FBXO31: variants seen among roughly 807,000 people sequenced by gnomAD.
FBXO31 encodes F-box only protein 31.
A neutral mutation model predicts 54.4 loss-of-function variants in FBXO31; 24 were observed. The observed-to-expected ratio is 0.44, with a 90% CI of 0.32 to 0.62. The LOEUF (loss-of-function observed/expected upper bound fraction) is 0.62. Among genes scored for constraint, FBXO31 ranks in the 20% least tolerant of loss-of-function variants. FBXO31 has a pLI of 0.05. For missense variants in FBXO31, 665 were observed against 787.1 expected (o/e 0.84, Z 1.86); for synonymous variants, 388 against 335.6 (o/e 1.16, Z -1.71).
intron 2 of FBXO31, among the ~76,000 whole-genome samples, chr16:87,348,303 T>C (rs1397014929): frequency 6.6e-6 from 1 of 152,182 alleles, no homozygotes; most frequent in Non-Finnish European, 1.5e-5. Context: ...CTGCACTGTA[T>C]CTGCACTCAT....
At chr16:87,362,110 C>A (rs1174562547) in intron 1 of FBXO31, among the ~76,000 whole-genome samples, 1 of 148,366 alleles carries the variant, frequency 6.7e-6, no homozygotes, top group Non-Finnish European at 1.5e-5. Flanking sequence ...CCCACAGAGC[C>A]CAGGAAGCTG....
chr16:87,375,909 C>T lies in FBXO31; in HGVS notation c.340+7496G>A, dbSNP rs188015422. ...CCCACCAGCTCCAAGCTGCCCCTGC[C>T]GCCACCCTCAGCCTGAGTCACTCCA... On this transcript the variant is annotated intron_variant, in intron 1 of 8. Transcript: ENST00000311635. Among the ~76,000 whole-genome samples the T allele has an allele frequency of 6.6e-5, 10 of 152,306 alleles. No homozygotes were observed. In the East Asian group the frequency reaches 1.3e-3, roughly 21 times the overall value.
chr16:87,383,893 C>T, upstream of FBXO31: 1 of 508,740 alleles, frequency 2.0e-6, no homozygotes, highest in Non-Finnish European at 2.7e-6. This position sits in a 1 kb window ranked among gnomAD's most constrained non-coding sequence, Gnocchi z 4.9. Context: ...GCCCCGGCCG[C>T]GCCACCCCCT....
upstream of FBXO31, among the ~76,000 whole-genome samples, chr16:87,385,780 G>A (rs927242778): frequency 6.6e-6 from 1 of 152,108 alleles, no homozygotes; most frequent in Non-Finnish European, 1.5e-5. Flanking sequence ...AGGCCAAGGC[G>A]GGCAGATCAC....
chr16:87,341,454 G>A (rs1381315478), intron 5 of FBXO31, among the ~76,000 whole-genome samples: 14 of 151,958 alleles, frequency 9.2e-5, no homozygotes, highest in Admixed American at 4.6e-4. Context: ...TCAGGAGTTC[G>A]AGACCAGCCT....
In FBXO31 at chr16:87,372,610, G is replaced by A. The variant is rs576867552; in HGVS notation, c.340+10795C>T. ...GAGTCTCACTCCATCACTCAGGCTG[G>A]AGTGCAGTGGTAAGATCGCAGGTCA... On this transcript the variant is annotated intron_variant, in intron 1 of 8. Coordinates refer to ENST00000311635, the MANE Select transcript of FBXO31 (RefSeq NM_024735.5). Among the ~76,000 whole-genome samples, 3 of 152,228 alleles carry A rather than the reference G, an allele frequency of 2.0e-5. No individual in the cohort carries two copies. In the South Asian group the frequency reaches 6.2e-4, roughly 32 times the overall value.
chr16:87,363,640 A>G (rs936227522), intron 1 of FBXO31, among the ~76,000 whole-genome samples: 3 of 113,960 alleles, frequency 2.6e-5, no homozygotes, highest in Admixed American at 1.1e-4. Flanking sequence ...AGGAATAAAT[A>G]GTTTTTTAAT....
intron 1 of FBXO31, among the ~76,000 whole-genome samples, chr16:87,380,160 T>C (rs1181176642): frequency 2.0e-5 from 3 of 150,832 alleles, no homozygotes; most frequent in East Asian, 2.0e-4. Context: ...TAGCCGGGCA[T>C]AGTGGCGGGC....
rs137869907 is a variant in FBXO31, at chr16:87,349,304, T to G, written c.413-2054A>C. ...ATCAAAACAAGAACAGAATGAGATA[T>G]GAAGAAAATAAAATATAATCCCCCG... On this transcript the variant is annotated intron_variant, in intron 2 of 8. Coordinates refer to ENST00000311635, the MANE Select transcript of FBXO31 (RefSeq NM_024735.5). Among the ~76,000 whole-genome samples the G allele has an allele frequency of 1.2e-4, 18 of 152,182 alleles. 1 individual carries two copies. The highest frequency in any genetic ancestry group is 2.2e-4 in the African/African-American group (9 of 41,514).
chr16:87,368,902 T>C (rs1906479517), intron 1 of FBXO31, among the ~76,000 whole-genome samples: 1 of 152,034 alleles, frequency 6.6e-6, no homozygotes, highest in South Asian at 2.1e-4. Context: ...CAAGTTCAAG[T>C]GATTCTCCTG....
Position 87,345,126 on chromosome 16 carries a change from A to G in FBXO31, c.490-1361T>C, listed in dbSNP as rs533513130. ...GTGCAGAGGCCACGGGGAGACAGAC[A>G]CACCCGCCCTCGCTGGGCTCAGCCC... On this transcript the variant is annotated intron_variant, in intron 3 of 8. Coordinates refer to ENST00000311635, the MANE Select transcript of FBXO31 (RefSeq NM_024735.5). The surrounding 1 kb of genome is among the most constrained non-coding windows in gnomAD (Gnocchi z 4.9). 6.6e-6 allele frequency among the ~76,000 whole-genome samples: 1 copy of G among 152,296 alleles called. No homozygotes were observed. The highest frequency in any genetic ancestry group is 1.9e-4 in the East Asian group (1 of 5,186).
chr16:87,351,352 G>C (rs915228643), intron 2 of FBXO31, among the ~76,000 whole-genome samples: 2 of 152,148 alleles, frequency 1.3e-5, no homozygotes, highest in Middle Eastern at 3.4e-3. Context: ...ATGTCATCTA[G>C]ATGCCTATCT....
intron 2 of FBXO31, among the ~76,000 whole-genome samples, chr16:87,348,651 C>T (rs1905504710): frequency 6.6e-6 from 1 of 152,212 alleles, no homozygotes. Flanking sequence ...CAGGCTGTTA[C>T]AGCCTCACCC....
At chr16:87,341,609 T>G (rs1323204971) in intron 5 of FBXO31, among the ~76,000 whole-genome samples, 1 of 124,290 alleles carries the variant, frequency 8.0e-6, no homozygotes, top group Admixed American at 1.1e-4. Flanking sequence ...TGAGCCAAGA[T>G]CACGTCACTG....
At position 87,331,180 on chromosome 16, in the gene FBXO31, GC is replaced by G; in HGVS notation, c.*107del. 8.2e-6 allele frequency: 9 copies of G among 1,097,084 alleles called. No homozygotes were observed. The South Asian group carries it at 1.2e-4, about 14-fold the overall frequency. The allele number at this position is 1,097,084 out of a possible 1,614,324, so 68.0% of individuals were successfully genotyped here. ...TGGACTGGGCCCCCCGACGAGGTGT[GC>G]GTTCTGGTCAAAAGGCCGGATTTCC... On this transcript the variant is annotated 3_prime_UTR_variant, in exon 9 of 9. Coordinates refer to ENST00000311635, the MANE Select transcript of FBXO31 (RefSeq NM_024735.5).
At chr16:87,380,641 G>A (rs1907037241) in intron 1 of FBXO31, among the ~76,000 whole-genome samples, 1 of 152,196 alleles carries the variant, frequency 6.6e-6, no homozygotes, top group African/African-American at 2.4e-5. Flanking sequence ...GCCAGCCTTG[G>A]CCTGCCAAAG....
intron 5 of FBXO31, among the ~76,000 whole-genome samples, chr16:87,341,769 C>T (rs994332581): frequency 2.6e-5 from 4 of 151,762 alleles, no homozygotes; most frequent in African/African-American, 4.8e-5. Flanking sequence ...ATTTCCGTTA[C>T]TGATCATCTT....
chr16:87,383,376 T>G lies in FBXO31; in HGVS notation c.340+29A>C. Reference sequence around the variant, plus strand: ...CCACCTGGCAGGGACCCCCCGCCCCTCCCGGCCCCGCCACCCCCGCGCGCT... The same window carrying G: ...CCACCTGGCAGGGACCCCCCGCCCCGCCCGGCCCCGCCACCCCCGCGCGCT... On this transcript the variant is annotated intron_variant, in intron 1 of 8. Transcript: ENST00000311635. This position sits in a 1 kb window ranked among gnomAD's most constrained non-coding sequence, Gnocchi z 4.9. 74 of 883,608 alleles carry G rather than the reference T, an allele frequency of 8.4e-5. No individual in the cohort carries two copies. The highest frequency in any genetic ancestry group is 1.3e-4 in the East Asian group (3 of 23,496). 54.7% of individuals were successfully genotyped at this position (883,608 alleles called of 1,614,324 possible).
chr16:87,336,716 C>T lies in FBXO31; in HGVS notation c.733-452G>A, dbSNP rs1597358815. Among the ~76,000 whole-genome samples the T allele has an allele frequency of 6.6e-6, 1 of 152,168 alleles. No individual in the cohort carries two copies. Among genetic ancestry groups the T allele is most frequent in the African/African-American group, 2.4e-5 (1 of 41,426 alleles). On this transcript the variant is annotated intron_variant, in intron 5 of 8. Transcript: ENST00000311635. This position sits in a 1 kb window ranked among gnomAD's most constrained non-coding sequence, Gnocchi z 6.5. ...GAAGCCCTCACCACCAACCCTGAGC[C>T]GTGCGAGTCAGCCAAGGACGATGCA...
Sources: allele counts gnomAD v4.1 joint callset (sites outside exome capture counted in the v4.1 genomes callset), GRCh38; gene constraint gnomAD v4.1.1; non-coding constraint Gnocchi (gnomAD v3.1); transcripts MANE v1.5; gene names NCBI Gene and HGNC (gene_info 2026-07-23, HGNC 2026-07-21).